Variants in SYNPO2 observed in about 807,000 individuals in gnomAD.
SYNPO2 encodes synaptopodin 2.
SYNPO2 carries 56 observed loss-of-function variants against 85.0 expected under a neutral mutation model. The observed-to-expected ratio is 0.66, with a 90% CI of 0.53 to 0.82. SYNPO2 has a LOEUF of 0.82. Among genes scored for constraint, SYNPO2 ranks in the 40% least tolerant of loss-of-function variants. The probability of loss-of-function intolerance (pLI) is 0.00; values close to 1 mark genes in which losing one functional copy is unlikely to be tolerated. For synonymous variants in SYNPO2, 602 were observed against 591.1 expected, an observed-to-expected ratio of 1.02 and a Z score of -0.27; for missense variants, 1,575 against 1,534.2, an observed-to-expected ratio of 1.03 and a Z score of -0.44.
rs997311439 is a variant in SYNPO2 at position 119,027,781 on chromosome 4, T to C, written c.1069+343T>C. Among the ~76,000 whole-genome samples, 6 of 152,326 alleles carry C rather than the reference T, an allele frequency of 3.9e-5. No homozygotes were observed. The South Asian group carries it at 1.2e-3, about 32-fold the overall frequency. On this transcript the variant is annotated intron_variant, in intron 3 of 4. Transcript: ENST00000307142. Reference sequence around the variant, plus strand: ...ATGTTAAAATAGCATAAGAAAGCACTTGAAGTCATGTGGACTCAGTTTAAA... The same window carrying C: ...ATGTTAAAATAGCATAAGAAAGCACCTGAAGTCATGTGGACTCAGTTTAAA...
In SYNPO2 at chr4:119,034,351, G is replaced by C. The variant is rs552282388; in HGVS notation, c.3252+2324G>C. 8.2e-6 allele frequency: 8 copies of C among 976,206 alleles called. No homozygotes were observed. In the East Asian group the frequency reaches 8.0e-4, roughly 97 times the overall value. 60.5% of individuals were successfully genotyped at this position (976,206 alleles called of 1,614,324 possible). On this transcript the variant is annotated intron_variant, in intron 4 of 4. Coordinates refer to ENST00000307142, the MANE Select transcript of SYNPO2 (RefSeq NM_133477.3). ...ATCCTAGGATGGTAATGACCCAGAA[G>C]TATTTCCAGTTGTCTAGTGGTGTGG...
intron 1 of SYNPO2, among the ~76,000 whole-genome samples, chr4:118,919,150 G>T (rs1213864132): frequency 6.6e-6 from 1 of 152,078 alleles, no homozygotes; most frequent in Non-Finnish European, 1.5e-5. Context: ...TAATCAAAAA[G>T]GCTTGCTTAT....
intron 1 of SYNPO2, among the ~76,000 whole-genome samples, chr4:118,881,131 TCTCTACTAAAAATACAAAAAATTAGCCGG>T (rs1394667905): frequency 6.6e-6 from 1 of 151,872 alleles, no homozygotes; most frequent in African/African-American, 2.4e-5. Flanking sequence ...TGAAACCTCG[TCTCTACTAAAAATACAAAAAATTAGCCGG>T]GTGTAGTGGC....
chr4:119,003,137 G>A (rs1365129882), intron 1 of SYNPO2, among the ~76,000 whole-genome samples: 1 of 152,158 alleles, frequency 6.6e-6, no homozygotes, highest in African/African-American at 2.4e-5. Flanking sequence ...CCAAGACTGG[G>A]TAATTTATGA....
Position 119,057,718 on chromosome 4 carries a change from T to A in SYNPO2, c.3570T>A (p.Tyr1190Ter), listed in dbSNP as rs993240675. The change falls in exon 5 of 5, where the codon TAT becomes TAA. Residue 1190 changes from tyrosine (Y) to a stop codon, truncating the protein, a stop_gained. Coordinates refer to ENST00000307142, the MANE Select transcript of SYNPO2 (RefSeq NM_133477.3). LOFTEE classifies it low-confidence loss of function (END_TRUNC). ...LSYIPQTQKA[Y>*]MGSCGRQEYN... ...ATATTCCTCAAACCCAGAAGGCCTA[T>A]ATGGGCTCATGTGGAAGGCAAGAGT... The A allele has an allele frequency of 1.2e-6, 2 of 1,614,176 alleles. No homozygotes were observed. The highest frequency in any genetic ancestry group is 8.5e-7 in the Non-Finnish European group (1 of 1,180,032).
Position 118,982,081 on chromosome 4 carries a change from C to CA in SYNPO2, c.106-41343dup, listed in dbSNP as rs1226044071. Reference sequence around the variant, plus strand: ...CACTGTAGTTCAGGGAATAAAACCACAAAAAATGAGAACATACTTCCAGGG... The same window carrying CA: ...CACTGTAGTTCAGGGAATAAAACCACAAAAAAATGAGAACATACTTCCAGGG... On this transcript the variant is annotated intron_variant, in intron 1 of 4. Transcript: ENST00000307142. Among the ~76,000 whole-genome samples, 4 of 151,786 alleles carry CA rather than the reference C, an allele frequency of 2.6e-5. No individual in the cohort carries two copies. In the East Asian group the frequency reaches 5.8e-4, roughly 22 times the overall value.
Position 118,889,081 on chromosome 4 carries a change from G to C in SYNPO2, c.45G>C (p.Ala15=). Residue 15 remains alanine (A), a synonymous_variant, in exon 1 of 5, where the codon GCG becomes GCC. Transcript: ENST00000307142. Reference sequence around the variant, plus strand: ...TCTGCATTTCCATGACTGGAGGGGCGCCCTGGGGGTTCAGATTGCAAGGTG... The same window carrying C: ...TCTGCATTTCCATGACTGGAGGGGCCCCCTGGGGGTTCAGATTGCAAGGTG... ...DFICISMTGG[A]PWGFRLQGGK... 2 of 1,614,126 alleles carry C rather than the reference G, an allele frequency of 1.2e-6. No individual in the cohort carries two copies. Among genetic ancestry groups the C allele is most frequent in the Middle Eastern group, 1.7e-4 (1 of 6,058 alleles).
chr4:118,945,742 T>G (rs145312318), intron 1 of SYNPO2, among the ~76,000 whole-genome samples: 1,685 of 149,990 alleles, frequency 0.011, 26 homozygotes, highest in African/African-American at 0.038. Context: ...AAATAACACT[T>G]TTTTTATTTT....
intron 1 of SYNPO2, among the ~76,000 whole-genome samples, chr4:118,890,727 CTCTCTCTG>C (rs1448794596): frequency 1.4e-5 from 2 of 146,376 alleles, no homozygotes; most frequent in African/African-American, 2.5e-5. Context: ...CTCTCTCTCT[CTCTCTCTG>C]TGTGTGTGTG....
chr4:119,039,549 T>C (rs541536855), intron 4 of SYNPO2, among the ~76,000 whole-genome samples: 2 of 152,322 alleles, frequency 1.3e-5, no homozygotes, highest in African/African-American at 4.8e-5. Context: ...GCCTATTTGC[T>C]TATTACAACT....
intron 1 of SYNPO2, among the ~76,000 whole-genome samples, chr4:118,928,514 C>T (rs1029589574): frequency 1.1e-4 from 16 of 152,006 alleles, no homozygotes; most frequent in Non-Finnish European, 1.3e-4. Flanking sequence ...GAGGTCATAA[C>T]TAGTACTTTG....
rs959737201 is a variant in SYNPO2, at chr4:118,920,351, GA to G, written c.105+31214del. 1.2e-4 allele frequency among the ~76,000 whole-genome samples: 18 copies of G among 152,250 alleles called. No homozygotes were observed. In the Middle Eastern group the frequency reaches 0.01, roughly 86 times the overall value. ...TTTTATATAAGAACTCAGAGCTCAG[GA>G]AAAGGGAAGGACTAGAATTCATCTG... On this transcript the variant is annotated intron_variant, in intron 1 of 4. Coordinates refer to ENST00000307142, the MANE Select transcript of SYNPO2 (RefSeq NM_133477.3).
At chr4:118,989,672 C>G (rs1736339338) in intron 1 of SYNPO2, among the ~76,000 whole-genome samples, 1 of 152,220 alleles carries the variant, frequency 6.6e-6, no homozygotes, top group African/African-American at 2.4e-5. Flanking sequence ...ATCATTGATT[C>G]ATCATGATAG....
chr4:118,894,656 A>G (rs1374249701), intron 1 of SYNPO2, among the ~76,000 whole-genome samples: 1 of 151,978 alleles, frequency 6.6e-6, no homozygotes, highest in Admixed American at 6.6e-5. Flanking sequence ...AGATAATATG[A>G]TTTGCTTTAA....
intron 4 of SYNPO2, chr4:119,036,663 A>G: frequency 1.0e-6 from 1 of 985,288 alleles, no homozygotes; most frequent in South Asian, 4.7e-5. Flanking sequence ...TGCCAATGAA[A>G]CCCCATCTTC....
intron 1 of SYNPO2, among the ~76,000 whole-genome samples, chr4:119,017,073 A>G (rs188939009): frequency 1.8e-4 from 27 of 152,320 alleles, no homozygotes; most frequent in Admixed American, 1.8e-3. Flanking sequence ...TGATCTTCAA[A>G]CCAAAACCCA....
intron 1 of SYNPO2, among the ~76,000 whole-genome samples, chr4:118,853,346 T>C (rs985861109): frequency 5.9e-5 from 9 of 152,182 alleles, no homozygotes; most frequent in African/African-American, 2.2e-4. Context: ...CCACTTATGT[T>C]TATTCTCTTC....
At chr4:119,052,668 GA>G (rs1372888770) in intron 4 of SYNPO2, among the ~76,000 whole-genome samples, 1 of 152,216 alleles carries the variant, frequency 6.6e-6, no homozygotes, top group African/African-American at 2.4e-5. Context: ...CAGCCTTTCT[GA>G]AGCAGGCCCC....
At chr4:119,016,836 T>C (rs751349639) in intron 1 of SYNPO2, among the ~76,000 whole-genome samples, 31 of 152,204 alleles carry the variant, frequency 2.0e-4, no homozygotes, top group Non-Finnish European at 4.1e-4. Context: ...GCAGCATCGT[T>C]TCTGCCTGTG....
Sources: gnomAD v4.1 joint callset for allele counts (sites outside exome capture counted in the v4.1 genomes callset) on GRCh38, gnomAD v4.1.1 for gene constraint, MANE v1.5 for transcripts, NCBI Gene and HGNC (gene_info 2026-07-23, HGNC 2026-07-21) for gene names.